FUT2: variants seen among roughly 807,000 people sequenced by gnomAD.
FUT2 encodes galactoside alpha-(1,2)-fucosyltransferase 2.
For synonymous variants in FUT2, 182 were observed against 193.1 expected (o/e 0.94, Z 0.48); for missense variants, 419 against 465.8 (o/e 0.90, Z 0.93).
intron 1 of FUT2, among the ~76,000 whole-genome samples, chr19:48,696,794 C>T (rs1363569448): frequency 6.6e-6 from 1 of 152,076 alleles, no homozygotes; most frequent in Admixed American, 6.6e-5. Context: ...CTGAGCTGCC[C>T]GGGGCACGGG....
chr19:48,700,830 A>C (rs1055888917), intron 1 of FUT2, among the ~76,000 whole-genome samples: 2 of 151,936 alleles, frequency 1.3e-5, no homozygotes, highest in South Asian at 2.1e-4. Context: ...TTGTCACATA[A>C]CCATGTGGCC....
chr19:48,703,552 A>G lies in FUT2; in HGVS notation c.596A>G (p.His199Arg), dbSNP rs1012932049. 12 of 1,613,230 alleles carry G rather than the reference A, an allele frequency of 7.4e-6. No homozygotes were observed. In the Admixed American group the frequency reaches 1.0e-4, roughly 13 times the overall value. ...GSRPGTFVGV[H>R]VRRGDYVHVM... The stretch of plus-strand genomic sequence containing the variant: ...CGGCCGGGCACCTTTGTAGGGGTCC[A>G]TGTTCGCCGAGGGGACTATGTCCAT... The change falls in exon 2 of 2, where the codon CAT becomes CGT. Residue 199 changes from histidine to arginine, a missense_variant. By Grantham distance (29) the His-to-Arg change is conservative. Coordinates refer to ENST00000425340, the MANE Select transcript of FUT2 (RefSeq NM_000511.6).
In FUT2 at chr19:48,704,539, C is replaced by A. The variant is rs2032601354; in HGVS notation, c.*551C>A. The A allele has an allele frequency of 4.7e-6, 2 of 423,144 alleles. No homozygotes were observed. The highest frequency in any genetic ancestry group is 8.6e-6 in the Non-Finnish European group (2 of 232,200). 26.2% of individuals were successfully genotyped at this position (423,144 alleles called of 1,614,324 possible). On this transcript the variant is annotated 3_prime_UTR_variant, in exon 2 of 2. Coordinates refer to ENST00000425340, the MANE Select transcript of FUT2 (RefSeq NM_000511.6). ...TCCAGGGTCAGTTAATTTAGCGGCT[C>A]CACAAAGTCATCAGTCACCTGAGCT...
chr19:48,696,354 C>T (rs2032411067), intron 1 of FUT2: 1 of 152,628 alleles, frequency 6.6e-6, no homozygotes, highest in Non-Finnish European at 1.5e-5. Context: ...CCAGCTCCCT[C>T]CCCTTCTCCA....
At chr19:48,698,709 C>T (rs2122209850) in intron 1 of FUT2, among the ~76,000 whole-genome samples, 1 of 152,134 alleles carries the variant, frequency 6.6e-6, no homozygotes, top group East Asian at 2.0e-4. Flanking sequence ...TCCCAAAGTG[C>T]TGGAATTACA....
intron 1 of FUT2, among the ~76,000 whole-genome samples, chr19:48,702,357 C>T (rs188503331): frequency 8.6e-5 from 13 of 151,702 alleles, no homozygotes; most frequent in Non-Finnish European, 1.8e-4. Context: ...CAGTGAGCCA[C>T]GTTCTCACCA....
chr19:48,698,141 A>T (rs2032449102), intron 1 of FUT2, among the ~76,000 whole-genome samples: 1 of 151,844 alleles, frequency 6.6e-6, no homozygotes, highest in Non-Finnish European at 1.5e-5. Context: ...ACAGACAAGG[A>T]CAATGAAACA....
At chr19:48,701,988 C>CA (rs971013479) in intron 1 of FUT2, among the ~76,000 whole-genome samples, 4 of 149,170 alleles carry the variant, frequency 2.7e-5, no homozygotes, top group Non-Finnish European at 6.0e-5. Context: ...GATTCCATTT[C>CA]AAAAAAAAAG....
At chr19:48,697,665 C>T (rs1308061891) in intron 1 of FUT2, among the ~76,000 whole-genome samples, 11 of 152,054 alleles carry the variant, frequency 7.2e-5, no homozygotes, top group Admixed American at 3.3e-4. Context: ...TTTGTGCCCA[C>T]GCAGCCCTAA....
intron 1 of FUT2, among the ~76,000 whole-genome samples, chr19:48,701,223 T>TGCA (rs2032510931): frequency 1.3e-5 from 2 of 152,024 alleles, no homozygotes; most frequent in Admixed American, 6.5e-5. Flanking sequence ...CTTGGCTCAC[T>TGCA]GCAGCCTCCG....
chr19:48,702,121 C>T (rs2032527545), intron 1 of FUT2, among the ~76,000 whole-genome samples: 1 of 152,084 alleles, frequency 6.6e-6, no homozygotes, highest in Non-Finnish European at 1.5e-5. Context: ...ACCATGTGGG[C>T]CAGGTGCAGT....
chr19:48,698,634 G>C (rs923764207), intron 1 of FUT2, among the ~76,000 whole-genome samples: 1 of 151,978 alleles, frequency 6.6e-6, no homozygotes, highest in African/African-American at 2.4e-5. Flanking sequence ...TAGCGACGGG[G>C]TTTCTCCATG....
rs901963703 is a variant in FUT2, at chr19:48,704,120, C to T, written c.*132C>T. ...TGAAGATGCGTTGGGCTGCAAGTAA[C>T]AGAAATCTCAGTGAACAGTGGCCTG... is the stretch of plus-strand genomic sequence containing the variant. On this transcript the variant is annotated 3_prime_UTR_variant, in exon 2 of 2. Transcript: ENST00000425340. 3.3e-6 allele frequency: 3 copies of T among 908,282 alleles called. No homozygotes were observed. Among genetic ancestry groups the T allele is most frequent in the Non-Finnish European group, 5.4e-6 (3 of 560,292 alleles). 56.3% of individuals were successfully genotyped at this position (908,282 alleles called of 1,614,324 possible).
intron 1 of FUT2, among the ~76,000 whole-genome samples, chr19:48,700,091 T>A (rs1398237110): frequency 7.3e-6 from 1 of 136,946 alleles, no homozygotes; most frequent in Non-Finnish European, 1.5e-5. Flanking sequence ...AGGCGGAGGT[T>A]GCAGTAAGCC....
chr19:48,704,731 T>C lies in FUT2; in HGVS notation c.*743T>C. On this transcript the variant is annotated 3_prime_UTR_variant, in exon 2 of 2. Coordinates refer to ENST00000425340, the MANE Select transcript of FUT2 (RefSeq NM_000511.6). ...TTTTGAAGAATGAATGAAACCTTCC[T>C]AAGCCTTCCAGCAATTTCCCCCCAA... 1.2e-5 allele frequency: 5 copies of C among 413,558 alleles called. No homozygotes were observed. The highest frequency in any genetic ancestry group is 1.8e-5 in the Non-Finnish European group (4 of 226,292). The allele number at this position is 413,558 out of a possible 1,614,324, so 25.6% of individuals were successfully genotyped here.
chr19:48,704,354 G>A lies in FUT2; in HGVS notation c.*366G>A, dbSNP rs1006860831. 1.4e-4 allele frequency: 51 copies of A among 370,468 alleles called. No homozygotes were observed. The highest frequency in any genetic ancestry group is 1.4e-4 in the Non-Finnish European group (27 of 196,472). 22.9% of individuals were successfully genotyped at this position (370,468 alleles called of 1,614,324 possible). On this transcript the variant is annotated 3_prime_UTR_variant, in exon 2 of 2. Transcript: ENST00000425340. ...AGAGAATCACTTGAACCCAGGAGGC[G>A]GAGGTTGCAGTGAGCCAAGATGGTG...
Position 48,704,248 on chromosome 19 carries a change from C to T in FUT2, c.*260C>T. 2 of 499,398 alleles carry T rather than the reference C, an allele frequency of 4.0e-6. No homozygotes were observed. Among genetic ancestry groups the T allele is most frequent in the South Asian group, 2.1e-5 (1 of 47,960 alleles). 30.9% of individuals were successfully genotyped at this position (499,398 alleles called of 1,614,324 possible). A position where few individuals can be genotyped will look rare whatever the true frequency, so the allele number is the denominator to read the frequency against. ...ACTAGCCTGGCCAACATGGTGAAAC[C>T]CCATCTCGACTAAAAATACAAAAAT... On this transcript the variant is annotated 3_prime_UTR_variant, in exon 2 of 2. Coordinates refer to ENST00000425340, the MANE Select transcript of FUT2 (RefSeq NM_000511.6).
chr19:48,701,423 C>T (rs1227707198), intron 1 of FUT2, among the ~76,000 whole-genome samples: 1 of 151,906 alleles, frequency 6.6e-6, no homozygotes, highest in African/African-American at 2.4e-5. Flanking sequence ...AGCTAATCTG[C>T]CCACCTCGGC....
chr19:48,697,694 T>C (rs1015500646), intron 1 of FUT2, among the ~76,000 whole-genome samples: 14 of 152,004 alleles, frequency 9.2e-5, no homozygotes, highest in Admixed American at 9.2e-4. Flanking sequence ...TGGTTTGTTG[T>C]TGTTGTTGTA....
Sources: gnomAD v4.1 joint callset for allele counts (sites outside exome capture counted in the v4.1 genomes callset) on GRCh38, gnomAD v4.1.1 for gene constraint, MANE v1.5 for transcripts, NCBI Gene and HGNC (gene_info 2026-07-23, HGNC 2026-07-21) for gene names.